Variants in DLG2 observed in about 807,000 individuals in gnomAD.
The protein encoded by DLG2 is disks large homolog 2.
A neutral mutation model predicts 132.5 loss-of-function variants in DLG2; 45 were observed. The observed-to-expected ratio is 0.34, with a 90% CI of 0.27 to 0.44. DLG2 has a LOEUF of 0.44. Among genes scored for constraint, DLG2 ranks in the 20% least tolerant of loss-of-function variants. The pLI is 1.00. For synonymous variants in DLG2, 424 were observed against 419.6 expected, an observed-to-expected ratio of 1.01 and a Z score of -0.13; for missense variants, 1,045 against 1,196.9, an observed-to-expected ratio of 0.87 and a Z score of 1.87.
In DLG2 at chr11:83,648,568, T is replaced by C. The variant is rs146125389; in HGVS notation, c.1826-15243A>G. 1.2e-4 allele frequency among the ~76,000 whole-genome samples: 18 copies of C among 152,192 alleles called. No individual in the cohort carries two copies. The East Asian group carries it at 3.3e-3, about 28-fold the overall frequency. On this transcript the variant is annotated intron_variant, in intron 18 of 27. Transcript: ENST00000376104. ...TTTGAATTACCAAGTAAAACTGAGG[T>C]GTCAGCAACCCTTGGCTGAATGTGG...
chr11:83,503,520 C>T (rs1358329043), intron 21 of DLG2, among the ~76,000 whole-genome samples: 1 of 150,556 alleles, frequency 6.6e-6, no homozygotes, highest in Non-Finnish European at 1.5e-5. Flanking sequence ...AAGGCATCTG[C>T]AAGCTGAAGA....
At chr11:85,529,987 GTT>G (rs59507021) in intron 3 of DLG2, among the ~76,000 whole-genome samples, 1 of 113,108 alleles carries the variant, frequency 8.8e-6, no homozygotes, top group Non-Finnish European at 1.8e-5. Flanking sequence ...GAGAGGGTTT[GTT>G]TTTTTTTTTT....
chr11:84,810,551 A>T (rs2076443448), intron 6 of DLG2, among the ~76,000 whole-genome samples: 1 of 152,180 alleles, frequency 6.6e-6, no homozygotes, highest in African/African-American at 2.4e-5. Flanking sequence ...AAATGGTACA[A>T]CCACTCTTGA....
chr11:85,431,475 C>A (rs1018230854), intron 3 of DLG2, among the ~76,000 whole-genome samples: 1 of 152,242 alleles, frequency 6.6e-6, no homozygotes, highest in Non-Finnish European at 1.5e-5. Context: ...CGGAGCCCTG[C>A]AGATTCTCAA....
chr11:83,974,086 A>T (rs751125209), intron 12 of DLG2, among the ~76,000 whole-genome samples: 18 of 152,102 alleles, frequency 1.2e-4, no homozygotes, highest in Non-Finnish European at 1.8e-4. Flanking sequence ...AGATGAAAGC[A>T]ATGTGTTGTT....
At chr11:85,460,499 G>C (rs897191031) in intron 3 of DLG2, among the ~76,000 whole-genome samples, 4 of 152,160 alleles carry the variant, frequency 2.6e-5, no homozygotes, top group African/African-American at 9.7e-5. Context: ...ACTCCTGGGT[G>C]GGCAGTTGTC....
At position 85,583,077 on chromosome 11, in the gene DLG2, T is replaced by TAA. The variant is rs1555190365; in HGVS notation, c.40+15578_40+15579dup. 8.5e-4 allele frequency among the ~76,000 whole-genome samples: 103 copies of TAA among 120,790 alleles called. 2 individuals are homozygous for TAA. In the East Asian group the frequency reaches 0.024, roughly 28 times the overall value. 79.2% of individuals were successfully genotyped at this position (120,790 alleles called of 152,430 possible). A position where few individuals can be genotyped will look rare whatever the true frequency, so the allele number is the denominator to read the frequency against. On this transcript the variant is annotated intron_variant, in intron 3 of 27. Coordinates refer to ENST00000376104, the MANE Select transcript of DLG2 (RefSeq NM_001142699.3). ...AAAAAAATATATATATATATATATA[T>TAA]AATATATGTGATGTGTGTGTGTGTG... is the stretch of plus-strand genomic sequence containing the variant.
At chr11:85,553,446 T>TC (rs2076773683) in intron 3 of DLG2, among the ~76,000 whole-genome samples, 1 of 148,230 alleles carries the variant, frequency 6.7e-6, no homozygotes, top group African/African-American at 2.5e-5. Context: ...AACAAGTGCT[T>TC]TTTTTTTTTG....
At position 84,324,096 on chromosome 11, in the gene DLG2, T is replaced by C. The variant is rs182617088; in HGVS notation, c.520-72805A>G. On this transcript the variant is annotated intron_variant, in intron 7 of 27. Transcript: ENST00000376104. ...CCACTTGTCTATTTTTGTTTCTGTT[T>C]CCTGTGCATTTGTTGTCATATCCAA... 7.2e-5 allele frequency among the ~76,000 whole-genome samples: 11 copies of C among 152,268 alleles called. No homozygotes were observed. The East Asian group carries it at 2.1e-3, about 29-fold the overall frequency.
At chr11:84,133,791 A>G (rs1179741510) in intron 9 of DLG2, among the ~76,000 whole-genome samples, 3 of 152,034 alleles carry the variant, frequency 2.0e-5, no homozygotes, top group African/African-American at 7.2e-5. Context: ...AAAAGAAGAC[A>G]TATTTTGTTC....
intron 21 of DLG2, among the ~76,000 whole-genome samples, chr11:83,532,216 T>C (rs2095767487): frequency 6.6e-6 from 1 of 152,134 alleles, no homozygotes; most frequent in Non-Finnish European, 1.5e-5. Flanking sequence ...AATATTCTAA[T>C]TTTGATGGCT....
chr11:84,365,070 T>C (rs1256688731), intron 7 of DLG2, among the ~76,000 whole-genome samples: 1 of 152,150 alleles, frequency 6.6e-6, no homozygotes, highest in Non-Finnish European at 1.5e-5. Flanking sequence ...TTGATTGGAA[T>C]AGTTTCAGAA....
intron 7 of DLG2, among the ~76,000 whole-genome samples, chr11:84,495,989 C>G (rs1300741627): frequency 6.6e-6 from 1 of 152,074 alleles, no homozygotes; most frequent in Admixed American, 6.6e-5. Flanking sequence ...ACGTGGGACT[C>G]AGGTAAAAGA....
intron 6 of DLG2, among the ~76,000 whole-genome samples, chr11:84,820,131 C>T (rs1257884478): frequency 6.6e-6 from 1 of 151,350 alleles, no homozygotes; most frequent in Non-Finnish European, 1.5e-5. Flanking sequence ...GCAATTAAGG[C>T]CATTATACCA....
intron 3 of DLG2, among the ~76,000 whole-genome samples, chr11:85,404,932 C>A (rs2152970430): frequency 6.6e-6 from 1 of 152,088 alleles, no homozygotes; most frequent in Admixed American, 6.6e-5. Flanking sequence ...ATTTAGACTG[C>A]AAAGTGATCC....
chr11:84,406,532 G>T (rs1428691238), intron 7 of DLG2, among the ~76,000 whole-genome samples: 1 of 152,106 alleles, frequency 6.6e-6, no homozygotes, highest in African/African-American at 2.4e-5. Flanking sequence ...TAGAGATGGG[G>T]TTTCACCATA....
chr11:84,387,957 T>C (rs2098777517), intron 7 of DLG2, among the ~76,000 whole-genome samples: 1 of 152,166 alleles, frequency 6.6e-6, no homozygotes, highest in Admixed American at 6.6e-5. Context: ...AAGCCAATTG[T>C]AGGGAGGGAA....
At chr11:83,618,231 G>A (rs2061128743) in intron 19 of DLG2, among the ~76,000 whole-genome samples, 1 of 151,772 alleles carries the variant, frequency 6.6e-6, no homozygotes, top group Admixed American at 6.6e-5. Context: ...TATTCTTTCT[G>A]TTTTGGGAAA....
intron 3 of DLG2, among the ~76,000 whole-genome samples, chr11:85,491,081 A>G (rs890196342): frequency 2.6e-5 from 4 of 152,162 alleles, no homozygotes; most frequent in African/African-American, 9.7e-5. Flanking sequence ...ATTATGATCA[A>G]ATGGGTTTTA....
Sources: gnomAD v4.1 joint callset for allele counts (sites outside exome capture counted in the v4.1 genomes callset) on GRCh38, gnomAD v4.1.1 for gene constraint, MANE v1.5 for transcripts, NCBI Gene and HGNC (gene_info 2026-07-23, HGNC 2026-07-21) for gene names.